The following ABCA13 variants were observed in gnomAD, a reference collection of about 807,000 sequenced individuals.
The protein encoded by ABCA13 is ATP binding cassette subfamily A member 13.
In ABCA13, 476 loss-of-function variants were observed where a neutral mutation model predicts 478.7. The observed-to-expected ratio is 0.99, with a 90% confidence interval of 0.92 to 1.07. ABCA13 has a LOEUF of 1.07. Ranked by LOEUF, ABCA13 falls within the 50% of genes least tolerant of loss-of-function variation. The pLI is 0.00. For missense variants in ABCA13, 6,060 were observed against 5,910.6 expected, an observed-to-expected ratio of 1.03 and a Z score of -0.83; for synonymous variants, 2,252 against 2,158.9, an observed-to-expected ratio of 1.04 and a Z score of -1.20.
rs751990344 is a variant in ABCA13, at chr7:48,274,807, A to C, written c.5141A>C (p.Glu1714Ala). ...LVVNLLVGLM[E>A]KFADSSHSWN... is the part of the protein sequence containing the mutation. The stretch of plus-strand genomic sequence containing the variant: ...GTCAATTTGCTTGTTGGCTTGATGG[A>C]AAAATTTGCAGACAGCTCACATTCT... Residue 1714 changes from glutamate (E) to alanine (A), a missense_variant, in exon 17 of 62, where the codon GAA becomes GCA. Coordinates refer to ENST00000435803, the MANE Select transcript of ABCA13 (RefSeq NM_152701.5). 6.2e-7 allele frequency: 1 copy of C among 1,613,938 alleles called. No individual in the cohort carries two copies.
chr7:48,251,274 T>C (rs973582834), intron 15 of ABCA13, among the ~76,000 whole-genome samples: 26 of 152,214 alleles, frequency 1.7e-4, no homozygotes, highest in African/African-American at 6.0e-4. Flanking sequence ...AGAAACAGGC[T>C]ACAGAGAGTG....
Position 48,506,321 on chromosome 7 carries a change from A to G in ABCA13, c.13292-15A>G. The G allele has an allele frequency of 3.7e-6, 6 of 1,613,522 alleles. No individual in the cohort carries two copies. Among genetic ancestry groups the G allele is most frequent in the Non-Finnish European group, 5.1e-6 (6 of 1,179,594 alleles). On this transcript the variant is annotated splice_polypyrimidine_tract_variant and intron_variant, in intron 48 of 61. Transcript: ENST00000435803. Reference sequence around the variant, plus strand: ...GAGCAGGCTGAAGGCTCACTTTTCAATTTGTCTTTCACAGGAATAACACTC... The same window carrying G: ...GAGCAGGCTGAAGGCTCACTTTTCAGTTTGTCTTTCACAGGAATAACACTC...
intron 48 of ABCA13, among the ~76,000 whole-genome samples, chr7:48,491,576 G>A (rs1829845858): frequency 1.3e-5 from 2 of 152,120 alleles, no homozygotes; most frequent in South Asian, 2.1e-4. Context: ...AGCAGAGAGA[G>A]GTTGTTTTAA....
At position 48,276,278 on chromosome 7, in the gene ABCA13, T is replaced by G; in HGVS notation, c.6612T>G (p.Leu2204=). ...QLTNFSVVQL[L]FENILINLIN... is the part of the protein sequence containing the mutation. ...CTAATTTCTCAGTTGTTCAGCTGCT[T>G]TTTGAAAACATCCTAATTAATTTGA... The change falls in exon 17 of 62, where the codon CTT becomes CTG. Residue 2204 remains leucine, a synonymous_variant. Coordinates refer to ENST00000435803, the MANE Select transcript of ABCA13 (RefSeq NM_152701.5). 6.4e-7 allele frequency: 1 copy of G among 1,564,402 alleles called. No homozygotes were observed. Among genetic ancestry groups the G allele is most frequent in the Non-Finnish European group, 8.7e-7 (1 of 1,154,088 alleles).
At chr7:48,444,498 T>C (rs1323141141) in intron 42 of ABCA13, among the ~76,000 whole-genome samples, 1 of 152,184 alleles carries the variant, frequency 6.6e-6, no homozygotes, top group Non-Finnish European at 1.5e-5. Flanking sequence ...AAACTTTATT[T>C]CTTTGGACCC....
chr7:48,464,054 G>A (rs735071), intron 43 of ABCA13, among the ~76,000 whole-genome samples: 1 of 152,188 alleles, frequency 6.6e-6, no homozygotes, highest in African/African-American at 2.4e-5. Context: ...TAAATTTTAA[G>A]AGATGATTAT....
At chr7:48,635,401 G>A (rs1222677119) in intron 59 of ABCA13, among the ~76,000 whole-genome samples, 1 of 152,036 alleles carries the variant, frequency 6.6e-6, no homozygotes, top group Non-Finnish European at 1.5e-5. Flanking sequence ...CCCACTTTAG[G>A]AGCTGAACAC....
chr7:48,241,657 G>A (rs1790851917), intron 10 of ABCA13, among the ~76,000 whole-genome samples: 1 of 152,164 alleles, frequency 6.6e-6, no homozygotes, highest in Non-Finnish European at 1.5e-5. Context: ...AGTTAAGGCT[G>A]TCTTTGGAAA....
chr7:48,371,938 C>T (rs935184649), intron 32 of ABCA13, among the ~76,000 whole-genome samples: 1 of 152,108 alleles, frequency 6.6e-6, no homozygotes, highest in Non-Finnish European at 1.5e-5. Context: ...TCATGAATGG[C>T]TCTTTTATAA....
intron 10 of ABCA13, among the ~76,000 whole-genome samples, chr7:48,242,268 C>G (rs1349959931): frequency 7.8e-6 from 1 of 127,876 alleles, no homozygotes; most frequent in African/African-American, 3.2e-5. Flanking sequence ...GTACTTGGCT[C>G]TTAGTCCTAC....
intron 53 of ABCA13, among the ~76,000 whole-genome samples, chr7:48,522,243 C>T (rs1832595014): frequency 6.6e-6 from 1 of 152,166 alleles, no homozygotes; most frequent in Admixed American, 6.5e-5. Flanking sequence ...CTGAGCAGGG[C>T]CCCTGTCACC....
intron 2 of ABCA13, among the ~76,000 whole-genome samples, chr7:48,196,731 G>C (rs950546033): frequency 2.0e-5 from 3 of 152,078 alleles, no homozygotes; most frequent in African/African-American, 7.2e-5. Flanking sequence ...CTGTCTGTGG[G>C]GCCACCATTT....
chr7:48,585,949 A>G (rs1226384348), intron 56 of ABCA13, among the ~76,000 whole-genome samples: 1 of 152,222 alleles, frequency 6.6e-6, no homozygotes, highest in Non-Finnish European at 1.5e-5. Context: ...GGAAACAGAA[A>G]ATATAGTGTG....
chr7:48,413,309 C>T (rs1819528542), intron 41 of ABCA13, among the ~76,000 whole-genome samples: 1 of 152,200 alleles, frequency 6.6e-6, no homozygotes, highest in Non-Finnish European at 1.5e-5. Context: ...GGGAACACTG[C>T]AGACGCCTGG....
chr7:48,376,628 TAATATGCATA>T lies in ABCA13; in HGVS notation c.11335+62_11335+71del. ...AATAAATTTTAAAAACAGTTTGAATTAATATGCATAAATATTAGAATAATCACTTATTCTT... is the reference window on the plus strand; with the variant it reads ...AATAAATTTTAAAAACAGTTTGAATTAATATTAGAATAATCACTTATTCTT... On this transcript the variant is annotated intron_variant, in intron 35 of 61. Coordinates refer to ENST00000435803, the MANE Select transcript of ABCA13 (RefSeq NM_152701.5). 36 of 1,530,078 alleles carry T rather than the reference TAATATGCATA, an allele frequency of 2.4e-5. No individual in the cohort carries two copies. In the South Asian group the frequency reaches 3.9e-4, roughly 17 times the overall value. The allele number at this position is 1,530,078 out of a possible 1,614,324, so 94.8% of individuals were successfully genotyped here. A position where few individuals can be genotyped will look rare whatever the true frequency, so the allele number is the denominator to read the frequency against.
rs372712772 is a variant in ABCA13 at position 48,631,808 on chromosome 7, A to T, written c.14838-11480A>T. On this transcript the variant is annotated intron_variant, in intron 59 of 61. Coordinates refer to ENST00000435803, the MANE Select transcript of ABCA13 (RefSeq NM_152701.5). Reference sequence around the variant, plus strand: ...GATTCTTCTAATCCATAAGCATGGGATGTATTTCCATTTATTTGTGCCATA... The same window carrying T: ...GATTCTTCTAATCCATAAGCATGGGTTGTATTTCCATTTATTTGTGCCATA... Among the ~76,000 whole-genome samples the T allele has an allele frequency of 2.0e-5, 3 of 151,950 alleles. No individual in the cohort carries two copies. In the South Asian group the frequency reaches 6.2e-4, roughly 31 times the overall value.
At chr7:48,296,992 T>TG (rs781159247) in intron 21 of ABCA13, among the ~76,000 whole-genome samples, 1 of 152,184 alleles carries the variant, frequency 6.6e-6, no homozygotes, top group African/African-American at 2.4e-5. Flanking sequence ...CTCATTCCCC[T>TG]GGTTCATCTC....
At position 48,372,117 on chromosome 7, in the gene ABCA13, T is replaced by C. The variant is rs1187862483; in HGVS notation, c.10804-51T>C. 2.7e-6 allele frequency: 4 copies of C among 1,504,634 alleles called. No individual in the cohort carries two copies. The East Asian group carries it at 9.2e-5, about 34-fold the overall frequency. 93.2% of individuals were successfully genotyped at this position (1,504,634 alleles called of 1,614,324 possible). On this transcript the variant is annotated intron_variant, in intron 32 of 61. Coordinates refer to ENST00000435803, the MANE Select transcript of ABCA13 (RefSeq NM_152701.5). ...TTTCTCCTACCATCTGATTTGTTCTTCCTCAAGTACGCATGCTGTGGTAAC... is the reference window on the plus strand; with the variant it reads ...TTTCTCCTACCATCTGATTTGTTCTCCCTCAAGTACGCATGCTGTGGTAAC...
intron 41 of ABCA13, among the ~76,000 whole-genome samples, chr7:48,426,870 T>G (rs1344162067): frequency 6.6e-6 from 1 of 152,114 alleles, no homozygotes. Flanking sequence ...AATACTGTGA[T>G]CATCATCTCT....
Sources: gnomAD v4.1 joint callset for allele counts (sites outside exome capture counted in the v4.1 genomes callset) on GRCh38, gnomAD v4.1.1 for gene constraint, MANE v1.5 for transcripts, NCBI Gene and HGNC (gene_info 2026-07-23, HGNC 2026-07-21) for gene names.